NTM: variants seen among roughly 807,000 people sequenced by gnomAD.
NTM encodes IgLON family member 2.
In NTM, 13 loss-of-function variants were observed where a neutral mutation model predicts 42.1. The ratio of observed to expected loss-of-function variants is 0.31; its 90% CI spans 0.20 to 0.49. NTM has a LOEUF of 0.49. Among genes scored for constraint, NTM ranks in the 20% least tolerant of loss-of-function variants. The probability of loss-of-function intolerance (pLI) is 0.99; values close to 1 mark genes in which losing one functional copy is unlikely to be tolerated. For missense variants in NTM, 373 were observed against 452.8 expected, an observed-to-expected ratio of 0.82 and a Z score of 1.60; for synonymous variants, 187 against 179.2, an observed-to-expected ratio of 1.04 and a Z score of -0.35.
chr11:131,552,860 A>G (rs766696044), intron 1 of NTM, among the ~76,000 whole-genome samples: 15 of 152,188 alleles, frequency 9.9e-5, no homozygotes, highest in Non-Finnish European at 2.1e-4. Flanking sequence ...AACAGTGCCA[A>G]TGTCCATCAT....
At chr11:131,733,463 TTTCCTTCC>T (rs555056062) in intron 1 of NTM, among the ~76,000 whole-genome samples, 10,579 of 112,180 alleles carry the variant, frequency 0.094, 625 homozygotes, top group African/African-American at 0.18. Flanking sequence ...TCCTTCCTTC[TTTCCTTCC>T]TTCCTTCCTT....
intron 4 of NTM, among the ~76,000 whole-genome samples, chr11:132,298,401 T>C (rs1328325154): frequency 1.3e-5 from 2 of 152,226 alleles, no homozygotes; most frequent in African/African-American, 2.4e-5. Context: ...CTGCAAACTC[T>C]AAACACCCAG....
At chr11:131,521,713 A>G (rs921412850) in intron 1 of NTM, among the ~76,000 whole-genome samples, 1 of 151,874 alleles carries the variant, frequency 6.6e-6, no homozygotes, top group Non-Finnish European at 1.5e-5. Context: ...CCCTCCCACT[A>G]GGCTCCCCTC....
At chr11:131,794,567 A>T (rs2091331822) in intron 1 of NTM, 1 of 985,214 alleles carries the variant, frequency 1.0e-6, no homozygotes, top group African/African-American at 1.7e-5. Flanking sequence ...TGAGTTCTAC[A>T]AGTGCTTGAA....
intron 2 of NTM, among the ~76,000 whole-genome samples, chr11:132,092,579 C>T (rs143718330): frequency 3.9e-5 from 6 of 152,286 alleles, no homozygotes; most frequent in African/African-American, 1.2e-4. Flanking sequence ...GTCCCCCAGG[C>T]GTTGCTTGTT....
intron 1 of NTM, among the ~76,000 whole-genome samples, chr11:131,451,350 G>A (rs1174617128): frequency 1.3e-5 from 2 of 152,162 alleles, no homozygotes; most frequent in Non-Finnish European, 2.9e-5. Flanking sequence ...ACATTACTTA[G>A]TACAGATAAT....
At chr11:132,275,524 T>C (rs943209667) in intron 4 of NTM, among the ~76,000 whole-genome samples, 1 of 151,646 alleles carries the variant, frequency 6.6e-6, no homozygotes, top group Non-Finnish European at 1.5e-5. Flanking sequence ...TTTTTTTTCA[T>C]TTTTTGCTCA....
chr11:131,911,210 C>T (rs2054875459), intron 1 of NTM: 1 of 1,384,698 alleles, frequency 7.2e-7, no homozygotes, highest in Admixed American at 3.0e-5. Context: ...TCCTCGGCCA[C>T]CTTCCCGGCG....
chr11:131,443,939 C>T (rs952115033), intron 1 of NTM, among the ~76,000 whole-genome samples: 3 of 152,156 alleles, frequency 2.0e-5, no homozygotes, highest in Admixed American at 6.5e-5. Context: ...TTCCAGATGA[C>T]ATCTTTGCTG....
chr11:131,677,317 G>A (rs572211983), intron 1 of NTM, among the ~76,000 whole-genome samples: 57 of 152,326 alleles, frequency 3.7e-4, no homozygotes, highest in Non-Finnish European at 5.6e-4. Flanking sequence ...AGGACCTTTC[G>A]TGGCAGTGTT....
intron 1 of NTM, chr11:131,538,485 C>T (rs767242593): frequency 5.3e-5 from 8 of 152,366 alleles, no homozygotes; most frequent in East Asian, 3.9e-4. Context: ...CTGTGCAAGA[C>T]GCTATCCACT....
intron 1 of NTM, among the ~76,000 whole-genome samples, chr11:131,861,353 A>AGTGAGGG: frequency 6.6e-6 from 1 of 152,276 alleles, no homozygotes; most frequent in Middle Eastern, 3.4e-3. Flanking sequence ...ATCCCCCAGC[A>AGTGAGGG]GTGAGGGGCT....
At chr11:131,850,184 A>G (rs532990804) in intron 1 of NTM, among the ~76,000 whole-genome samples, 24 of 152,292 alleles carry the variant, frequency 1.6e-4, no homozygotes, top group African/African-American at 5.8e-4. Context: ...TAACTTCCAC[A>G]GTTGCAGCTT....
chr11:131,720,869 T>C (rs561730965), intron 1 of NTM, among the ~76,000 whole-genome samples: 40 of 152,282 alleles, frequency 2.6e-4, no homozygotes, highest in Admixed American at 2.4e-3. Context: ...AAGGTAATGA[T>C]AAGGACTTAC....
At position 132,219,336 on chromosome 11, in the gene NTM, C is replaced by T. The variant is rs74736635; in HGVS notation, c.526+7189C>T. ...CTCAAGGGCCTCTGACTACTCCTGTCATGCCAGGGATCATGGCAGCCAGGA... is the reference window on the plus strand; with the variant it reads ...CTCAAGGGCCTCTGACTACTCCTGTTATGCCAGGGATCATGGCAGCCAGGA... On this transcript the variant is annotated intron_variant, in intron 4 of 8. Transcript: ENST00000683400. Among the ~76,000 whole-genome samples, 734 of 152,224 alleles carry T rather than the reference C, an allele frequency of 4.8e-3. 35 individuals are homozygous for T. In the East Asian group the frequency reaches 0.1, roughly 21 times the overall value.
At chr11:132,258,120 C>A (rs557358887) in intron 4 of NTM, among the ~76,000 whole-genome samples, 136 of 152,332 alleles carry the variant, frequency 8.9e-4, no homozygotes, top group Non-Finnish European at 1.7e-3. Context: ...ACAAGCCATG[C>A]GGCATCTCTA....
chr11:131,372,828 T>G (rs538302632), intron 1 of NTM, among the ~76,000 whole-genome samples: 1 of 152,018 alleles, frequency 6.6e-6, no homozygotes, highest in Non-Finnish European at 1.5e-5. Flanking sequence ...CAGGGAAGCA[T>G]AATATTTGCT....
rs1026707881 is a variant in NTM, at chr11:131,482,397, C to A, written c.82+111509C>A. Among the ~76,000 whole-genome samples, 9 of 152,196 alleles carry A rather than the reference C, an allele frequency of 5.9e-5. No homozygotes were observed. In the South Asian group the frequency reaches 1.9e-3, roughly 32 times the overall value. ...CTGAGACATATACATCATGCATATT[C>A]ATGGGCAAAAATTGTTTCAGGTTTT... On this transcript the variant is annotated intron_variant, in intron 1 of 8. Transcript: ENST00000683400.
intron 1 of NTM, among the ~76,000 whole-genome samples, chr11:131,847,165 T>C (rs2045007564): frequency 6.6e-6 from 1 of 152,122 alleles, no homozygotes; most frequent in Non-Finnish European, 1.5e-5. Context: ...TATTGAGGAA[T>C]ATGTAGAAAT....
Sources: gnomAD v4.1 joint callset for allele counts (sites outside exome capture counted in the v4.1 genomes callset) on GRCh38, gnomAD v4.1.1 for gene constraint, MANE v1.5 for transcripts, NCBI Gene and HGNC (gene_info 2026-07-23, HGNC 2026-07-21) for gene names.